The following ALPK2 variants were observed in gnomAD, a reference collection of about 807,000 sequenced individuals.
ALPK2 encodes alpha-protein kinase 2.
ALPK2 carries 127 observed loss-of-function variants against 163.1 expected under a neutral mutation model. The observed-to-expected ratio is 0.78, with a 90% CI of 0.67 to 0.90. The LOEUF (loss-of-function observed/expected upper bound fraction) is 0.90, where lower values mean the gene tolerates loss of function less well. Ranked by LOEUF, ALPK2 falls within the 40% of genes least tolerant of loss-of-function variation. The probability of loss-of-function intolerance (pLI) is 0.00; values close to 1 mark genes in which losing one functional copy is unlikely to be tolerated. For synonymous variants in ALPK2, 953 were observed against 959.1 expected (o/e 0.99, Z 0.12); for missense variants, 2,360 against 2,589.6 (o/e 0.91, Z 1.92).
rs33920285 is a variant in ALPK2 at position 58,556,169 on chromosome 18, T to TCACACACACACACACACA, written c.1963-17946_1963-17945insTGTGTGTGTGTGTGTGTG. Among the ~76,000 whole-genome samples, 487 of 149,102 alleles carry TCACACACACACACACACA rather than the reference T, an allele frequency of 3.3e-3. 1 individual carries two copies. The highest frequency in any genetic ancestry group is 0.011 in the African/African-American group (438 of 39,376). On this transcript the variant is annotated intron_variant, in intron 4 of 12. Transcript: ENST00000361673. ...ATTCATTAATTTATTGGACTAGATCTCACACACACACACACACGCACACAC... is the reference window on the plus strand; with the variant it reads ...ATTCATTAATTTATTGGACTAGATCTCACACACACACACACACACACACACACACACACACGCACACAC...
At chr18:58,583,913 A>G (rs2144203519) in intron 3 of ALPK2, among the ~76,000 whole-genome samples, 1 of 152,228 alleles carries the variant, frequency 6.6e-6, no homozygotes, top group South Asian at 2.1e-4. Flanking sequence ...AAGAGAGAGA[A>G]AGGAAGAAAA....
chr18:58,589,699 T>C (rs977024800), intron 3 of ALPK2, among the ~76,000 whole-genome samples: 7 of 152,306 alleles, frequency 4.6e-5, no homozygotes, highest in African/African-American at 1.7e-4. Flanking sequence ...ATTTCATACA[T>C]CTACCTATTG....
At chr18:58,615,136 T>C (rs1019938511) in intron 1 of ALPK2, among the ~76,000 whole-genome samples, 2 of 152,154 alleles carry the variant, frequency 1.3e-5, no homozygotes, top group Admixed American at 1.3e-4. Context: ...TTTATATAAA[T>C]AGAAGCTTTC....
chr18:58,609,364 C>A (rs1281246659), intron 2 of ALPK2, among the ~76,000 whole-genome samples: 1 of 152,222 alleles, frequency 6.6e-6, no homozygotes, highest in Admixed American at 6.5e-5. Context: ...GGTTTCTGAT[C>A]ATAATTCATT....
At chr18:58,553,472 T>A (rs1031911278) in intron 4 of ALPK2, among the ~76,000 whole-genome samples, 11 of 152,144 alleles carry the variant, frequency 7.2e-5, no homozygotes, top group Non-Finnish European at 1.6e-4. Context: ...ATACACCAAG[T>A]AAGTGCTTAA....
chr18:58,505,400 G>A (rs1374014226), intron 10 of ALPK2, among the ~76,000 whole-genome samples: 1 of 152,030 alleles, frequency 6.6e-6, no homozygotes, highest in African/African-American at 2.4e-5. Flanking sequence ...GCTGCCACAA[G>A]CACATCCATA....
rs1028298264 is a variant in ALPK2, at chr18:58,585,960, G to A, written c.228-5412C>T. 3.9e-5 allele frequency among the ~76,000 whole-genome samples: 6 copies of A among 152,178 alleles called. No homozygotes were observed. In the South Asian group the frequency reaches 6.2e-4, roughly 16 times the overall value. On this transcript the variant is annotated intron_variant, in intron 3 of 12. Coordinates refer to ENST00000361673, the MANE Select transcript of ALPK2 (RefSeq NM_052947.4). ...TGGCCTCCCAAAGTGCTGGGATTACGGGCATGAGCCACAATGCCCAGCCCT... is the reference window on the plus strand; with the variant it reads ...TGGCCTCCCAAAGTGCTGGGATTACAGGCATGAGCCACAATGCCCAGCCCT...
chr18:58,541,725 C>G (rs904092699), intron 4 of ALPK2, among the ~76,000 whole-genome samples: 1 of 152,182 alleles, frequency 6.6e-6, no homozygotes, highest in Non-Finnish European at 1.5e-5. Flanking sequence ...AACTGGCCCG[C>G]TGCTGATAAG....
chr18:58,573,635 T>TG (rs1356864703), intron 4 of ALPK2, among the ~76,000 whole-genome samples: 1 of 144,970 alleles, frequency 6.9e-6, no homozygotes, highest in Non-Finnish European at 1.5e-5. Context: ...TTTTTTTTTT[T>TG]TTAGTATTTA....
At chr18:58,509,041 C>A (rs1047743868) in intron 10 of ALPK2, among the ~76,000 whole-genome samples, 1 of 125,866 alleles carries the variant, frequency 7.9e-6, no homozygotes, top group Non-Finnish European at 1.7e-5. Context: ...CCCCTCCCCC[C>A]ACCCCACAAC....
In ALPK2 at chr18:58,607,326, A is replaced by G. The variant is rs1398194900; in HGVS notation, c.223T>C (p.Ser75Pro). 6.2e-7 allele frequency: 1 copy of G among 1,606,300 alleles called. No homozygotes were observed. The change falls in exon 3 of 13, where the codon TCT (serine) becomes CCT (proline). Residue 75 changes from serine (S) to proline (P), a missense_variant. Ser to Pro is a moderately conservative substitution (Grantham distance 74). Coordinates refer to ENST00000361673, the MANE Select transcript of ALPK2 (RefSeq NM_052947.4). ...ENQYIHVLHL[S>P]CCTKNDAAVY... ...CACAGGGGTATAGCCACTTACCAAG[A>G]GAGATGTAACACATGAATATACTGA...
rs551147308 is a variant in ALPK2 at position 58,574,218 on chromosome 18, G to T, written c.1962+4596C>A. On this transcript the variant is annotated intron_variant, in intron 4 of 12. Coordinates refer to ENST00000361673, the MANE Select transcript of ALPK2 (RefSeq NM_052947.4). ...CAGCACGTTGGGAGGCTGAGGCGGG[G>T]CGGATCACAAGGTCAGGAGTTCGAG... Among the ~76,000 whole-genome samples, 15 of 151,774 alleles carry T rather than the reference G, an allele frequency of 9.9e-5. No individual in the cohort carries two copies. The East Asian group carries it at 2.7e-3, about 28-fold the overall frequency.
rs368707204 is a variant in ALPK2 at position 58,535,693 on chromosome 18, G to C, written c.4494C>G (p.Ser1498Arg). Reference sequence around the variant, plus strand: ...CACTTGGAATTCTTTCACCGCCTTCGCTGGGTTGCAGGACTTGCCAAATGG... The same window carrying C: ...CACTTGGAATTCTTTCACCGCCTTCCCTGGGTTGCAGGACTTGCCAAATGG... ...KTAIWQVLQP[S>R]EGGERIPSGC... The change falls in exon 5 of 13, where the codon AGC becomes AGG. Residue 1498 changes from serine (S) to arginine (R), a missense_variant. Transcript: ENST00000361673. The C allele has an allele frequency of 6.2e-7, 1 of 1,614,234 alleles. No homozygotes were observed. Among genetic ancestry groups the C allele is most frequent in the East Asian group, 2.2e-5 (1 of 44,884 alleles).
chr18:58,523,848 G>T lies in ALPK2; in HGVS notation c.5630-7C>A, dbSNP rs751043048. On this transcript the variant is annotated splice_polypyrimidine_tract_variant and splice_region_variant and intron_variant, in intron 7 of 12. Coordinates refer to ENST00000361673, the MANE Select transcript of ALPK2 (RefSeq NM_052947.4). ...CTTGACAGCTGTTTGAGAACTAGAA[G>T]AAGACAAAGCAGAGAATGGCTTCAG... 4 of 1,614,196 alleles carry T rather than the reference G, an allele frequency of 2.5e-6. No individual in the cohort carries two copies. In the East Asian group the frequency reaches 6.7e-5, roughly 27 times the overall value.
intron 8 of ALPK2, among the ~76,000 whole-genome samples, chr18:58,518,537 C>T (rs1459828044): frequency 1.3e-5 from 2 of 152,178 alleles, no homozygotes; most frequent in Non-Finnish European, 2.9e-5. Flanking sequence ...CATTGTTGAG[C>T]TGAAGGTAAT....
At position 58,503,993 on chromosome 18, in the gene ALPK2, C is replaced by A. The variant is rs200818664; in HGVS notation, c.6185G>T (p.Cys2062Phe). ...CTGGTACACCCAGTGCTGGAAGGTGCAACATTTCTGACCAGCTTCTGATTC... is the reference window on the plus strand; with the variant it reads ...CTGGTACACCCAGTGCTGGAAGGTGAAACATTTCTGACCAGCTTCTGATTC... The part of the protein sequence containing the change: ...RRESEAGQKC[C>F]TFQHWVYQKT... The change falls in exon 11 of 13, where the codon TGC becomes TTC. Residue 2062 changes from cysteine (C) to phenylalanine (F), a missense_variant. Transcript: ENST00000361673. 37 of 1,614,086 alleles carry A rather than the reference C, an allele frequency of 2.3e-5. No homozygotes were observed. Among genetic ancestry groups the A allele is most frequent in the Admixed American group, 2.2e-4 (13 of 60,002 alleles).
At chr18:58,502,300 A>C (rs1394493389) in intron 11 of ALPK2, among the ~76,000 whole-genome samples, 1 of 152,106 alleles carries the variant, frequency 6.6e-6, no homozygotes, top group Non-Finnish European at 1.5e-5. Flanking sequence ...GGCTGCAGTG[A>C]GCTGTGTTTG....
intron 8 of ALPK2, among the ~76,000 whole-genome samples, chr18:58,518,652 G>C (rs971788270): frequency 6.6e-5 from 10 of 152,190 alleles, no homozygotes; most frequent in African/African-American, 2.4e-4. Context: ...CCTTCTACCA[G>C]GAAGAACAAA....
chr18:58,512,520 G>A lies in ALPK2; in HGVS notation c.6029+2473C>T, dbSNP rs1294367040. ...AGTGGGGGAGGGGGACAGGACTCCT[G>A]GTCCTCTCTCTAGACGTGCAGGCTT... On this transcript the variant is annotated intron_variant, in intron 10 of 12. Coordinates refer to ENST00000361673, the MANE Select transcript of ALPK2 (RefSeq NM_052947.4). Among the ~76,000 whole-genome samples the A allele has an allele frequency of 2.0e-5, 3 of 152,190 alleles. No homozygotes were observed. In the East Asian group the frequency reaches 5.8e-4, roughly 29 times the overall value.
Sources: gnomAD v4.1 joint callset for allele counts (sites outside exome capture counted in the v4.1 genomes callset) on GRCh38, gnomAD v4.1.1 for gene constraint, MANE v1.5 for transcripts, NCBI Gene and HGNC (gene_info 2026-07-23, HGNC 2026-07-21) for gene names.